Variants in NPSR1 observed in about 807,000 individuals in gnomAD.
NPSR1 encodes neuropeptide S receptor.
NPSR1 carries 48 observed loss-of-function variants against 46.9 expected under a neutral mutation model. That is an observed-to-expected ratio of 1.02 (90% CI 0.81 to 1.30). The LOEUF is 1.30. NPSR1 is among the 50% of genes most tolerant of loss of function. The pLI is 0.00. For synonymous variants in NPSR1, 176 were observed against 168.1 expected, an observed-to-expected ratio of 1.05 and a Z score of -0.36; for missense variants, 450 against 449.5, an observed-to-expected ratio of 1.00 and a Z score of -0.01.
intron 8 of NPSR1, among the ~76,000 whole-genome samples, chr7:34,872,838 G>T (rs1443402301): frequency 6.6e-6 from 1 of 151,822 alleles, no homozygotes; most frequent in Admixed American, 6.5e-5. Flanking sequence ...TTCAAGATGA[G>T]ATTTGGGTGA....
At chr7:34,837,351 A>C (rs1790411428) in intron 6 of NPSR1, among the ~76,000 whole-genome samples, 1 of 152,252 alleles carries the variant, frequency 6.6e-6, no homozygotes, top group East Asian at 1.9e-4. Context: ...TGTCATGCTT[A>C]GACCCTCTAA....
At chr7:34,753,283 T>TC (rs1562703461) in intron 2 of NPSR1, 1 of 152,162 alleles carries the variant, frequency 6.6e-6, no homozygotes, top group African/African-American at 2.4e-5. Flanking sequence ...GAGACTGTCT[T>TC]CCCCAGTGTT....
At chr7:34,693,513 C>T (rs575477913) in intron 2 of NPSR1, among the ~76,000 whole-genome samples, 3 of 151,776 alleles carry the variant, frequency 2.0e-5, no homozygotes, top group Non-Finnish European at 4.4e-5. Context: ...AATCTTCCAA[C>T]AAAAAAAATC....
intron 3 of NPSR1, among the ~76,000 whole-genome samples, chr7:34,809,501 T>C (rs1280586221): frequency 1.4e-5 from 2 of 146,254 alleles, no homozygotes; most frequent in Non-Finnish European, 3.0e-5. Flanking sequence ...TCTCGCTCTG[T>C]CGCCCAGGCT....
intron 2 of NPSR1, among the ~76,000 whole-genome samples, chr7:34,687,872 G>A (rs112393127): frequency 9.5e-4 from 145 of 152,280 alleles, no homozygotes; most frequent in African/African-American, 3.3e-3. Context: ...ATTTCATAGA[G>A]CAGAAAATTT....
intron 4 of NPSR1, among the ~76,000 whole-genome samples, chr7:34,813,919 T>C (rs892468788): frequency 6.6e-6 from 1 of 152,188 alleles, no homozygotes; most frequent in African/African-American, 2.4e-5. Context: ...ATTGTATACT[T>C]AAGAATTTGC....
intron 2 of NPSR1, among the ~76,000 whole-genome samples, chr7:34,739,357 GCA>G (rs1252363380): frequency 2.0e-5 from 3 of 152,142 alleles, no homozygotes; most frequent in Non-Finnish European, 4.4e-5. Flanking sequence ...ATTCTCATCA[GCA>G]ATGTACAAGA....
intron 2 of NPSR1, among the ~76,000 whole-genome samples, chr7:34,702,814 T>C (rs1049541246): frequency 6.6e-6 from 1 of 152,224 alleles, no homozygotes; most frequent in African/African-American, 2.4e-5. Flanking sequence ...AGAAAGGCAC[T>C]TTTGTGGCTT....
At chr7:34,693,463 T>C (rs901987870) in intron 2 of NPSR1, among the ~76,000 whole-genome samples, 2 of 152,116 alleles carry the variant, frequency 1.3e-5, no homozygotes, top group Non-Finnish European at 2.9e-5. Context: ...AAATCCTGAA[T>C]AGACCAATAG....
At chr7:34,796,939 G>A (rs1332674220) in intron 3 of NPSR1, among the ~76,000 whole-genome samples, 1 of 152,138 alleles carries the variant, frequency 6.6e-6, no homozygotes. Flanking sequence ...TCCTTTGGTA[G>A]GTAAATGGAG....
At chr7:34,746,811 G>A (rs543646446) in intron 2 of NPSR1, among the ~76,000 whole-genome samples, 1 of 152,068 alleles carries the variant, frequency 6.6e-6, no homozygotes, top group African/African-American at 2.4e-5. Flanking sequence ...ATGCAGGGAG[G>A]AGGAGACAAG....
At chr7:34,731,435 G>A (rs114486212) in intron 2 of NPSR1, among the ~76,000 whole-genome samples, 4,244 of 152,260 alleles carry the variant, frequency 0.028, 68 homozygotes, top group African/African-American at 0.034. Context: ...AATTGGTAGT[G>A]CATTAGGCCA....
intron 2 of NPSR1, among the ~76,000 whole-genome samples, chr7:34,757,843 A>G (rs1164435797): frequency 6.6e-6 from 1 of 152,116 alleles, no homozygotes; most frequent in Non-Finnish European, 1.5e-5. Context: ...AGCACAAACA[A>G]CTTACTTTGC....
At chr7:34,777,809 A>G (rs1787040300) in intron 2 of NPSR1, among the ~76,000 whole-genome samples, 1 of 152,182 alleles carries the variant, frequency 6.6e-6, no homozygotes, top group Non-Finnish European at 1.5e-5. Flanking sequence ...CACAGCTTGT[A>G]CAATCTGTAA....
intron 1 of NPSR1, among the ~76,000 whole-genome samples, chr7:34,681,632 G>A (rs1792640781): frequency 6.6e-6 from 1 of 152,148 alleles, no homozygotes. Context: ...AGAAAGGTGA[G>A]GCCATCCCAG....
intron 2 of NPSR1, among the ~76,000 whole-genome samples, chr7:34,735,055 T>C (rs548004380): frequency 3.2e-4 from 48 of 152,314 alleles, no homozygotes; most frequent in Middle Eastern, 3.4e-3. Flanking sequence ...CCCTAGGTCA[T>C]AAGATAACCC....
intron 1 of NPSR1, among the ~76,000 whole-genome samples, chr7:34,673,114 G>C (rs1372099545): frequency 6.6e-6 from 1 of 152,022 alleles, no homozygotes; most frequent in Admixed American, 6.6e-5. Context: ...GTCTCTCTAG[G>C]CTATACCTGC....
At chr7:34,671,185 G>A (rs1792035042) in intron 1 of NPSR1, among the ~76,000 whole-genome samples, 1 of 135,070 alleles carries the variant, frequency 7.4e-6, no homozygotes, top group Non-Finnish European at 1.5e-5. Context: ...GTTTTTAAAA[G>A]CACAATAAAT....
intron 2 of NPSR1, among the ~76,000 whole-genome samples, chr7:34,741,579 C>T (rs60876061): frequency 0.015 from 2,277 of 152,224 alleles, 29 homozygotes; most frequent in African/African-American, 0.035. Flanking sequence ...TGGGAATATT[C>T]TAAGTTAGGT....
Sources: gnomAD v4.1 joint callset for allele counts (sites outside exome capture counted in the v4.1 genomes callset) on GRCh38, gnomAD v4.1.1 for gene constraint, MANE v1.5 for transcripts, NCBI Gene and HGNC (gene_info 2026-07-23, HGNC 2026-07-21) for gene names.